The following SLC39A11 variants were observed in gnomAD, a reference collection of about 807,000 sequenced individuals.
SLC39A11 encodes the protein solute carrier family 39 member 11.
A neutral mutation model predicts 36.1 loss-of-function variants in SLC39A11; 33 were observed. The ratio of observed to expected loss-of-function variants is 0.91; its 90% confidence interval spans 0.69 to 1.22. SLC39A11 has a LOEUF of 1.22. Ranked by LOEUF, SLC39A11 falls within the 50% of genes most tolerant of loss-of-function variation. The pLI is 0.00. For synonymous variants in SLC39A11, 166 were observed against 170.3 expected (o/e 0.97, Z 0.20); for missense variants, 432 against 430.3 (o/e 1.00, Z -0.03).
At chr17:73,013,655 AT>A (rs2090647450) in intron 4 of SLC39A11, among the ~76,000 whole-genome samples, 1 of 151,140 alleles carries the variant, frequency 6.6e-6, no homozygotes, top group African/African-American at 2.4e-5. Context: ...CACAATAAAA[AT>A]TCATAAACTT....
intron 3 of SLC39A11, among the ~76,000 whole-genome samples, chr17:73,047,912 G>A (rs906049221): frequency 3.1e-4 from 42 of 134,186 alleles, no homozygotes; most frequent in Non-Finnish European, 4.0e-4. Context: ...AGGTTGCAGT[G>A]AGGCAAGATC....
At chr17:72,996,489 A>G (rs1003728656) in intron 4 of SLC39A11, among the ~76,000 whole-genome samples, 1 of 152,160 alleles carries the variant, frequency 6.6e-6, no homozygotes, top group Non-Finnish European at 1.5e-5. Flanking sequence ...CAAAGGCTTT[A>G]AGGAAGAATC....
rs111819786 is a variant in SLC39A11 at position 72,925,133 on chromosome 17, C to T, written c.430+22619G>A. 6.5e-3 allele frequency among the ~76,000 whole-genome samples: 981 copies of T among 152,016 alleles called. 9 individuals carry two copies. Among genetic ancestry groups the T allele is most frequent in the African/African-American group, 0.022 (925 of 41,440 alleles). On this transcript the variant is annotated intron_variant, in intron 5 of 9. Coordinates refer to ENST00000255559, the MANE Select transcript of SLC39A11 (RefSeq NM_139177.4). ...GAATTTCAGGATGGCCATGTGGATG[C>T]GCTTCTTTCTCTTTTGAAATACAAG...
At chr17:72,761,191 T>C (rs1248167158) in intron 6 of SLC39A11, among the ~76,000 whole-genome samples, 2 of 152,180 alleles carry the variant, frequency 1.3e-5, no homozygotes, top group African/African-American at 4.8e-5. Flanking sequence ...CTCGGTTCAC[T>C]GCAACCTCCG....
chr17:72,965,892 C>T (rs1487430751), intron 4 of SLC39A11, among the ~76,000 whole-genome samples: 1 of 152,186 alleles, frequency 6.6e-6, no homozygotes, highest in Non-Finnish European at 1.5e-5. Context: ...GGAATTCAGA[C>T]TGAATAGTCC....
intron 5 of SLC39A11, among the ~76,000 whole-genome samples, chr17:72,886,509 C>CA (rs1567885758): frequency 1.3e-5 from 2 of 152,176 alleles, no homozygotes; most frequent in Non-Finnish European, 2.9e-5. Flanking sequence ...TCAACTCCGC[C>CA]ACTCTTTCTG....
intron 7 of SLC39A11, 124 bp downstream of exon 7, chr17:72,736,526 G>T: frequency 2.5e-6 from 2 of 805,344 alleles, no homozygotes; most frequent in East Asian, 2.5e-5. Flanking sequence ...GCCTCCATCA[G>T]TCTTGGTCCT....
intron 4 of SLC39A11, among the ~76,000 whole-genome samples, chr17:72,960,475 C>A (rs1433634060): frequency 6.6e-6 from 1 of 151,702 alleles, no homozygotes; most frequent in East Asian, 1.9e-4. Context: ...TTACAAAAAC[C>A]AAGAAGGTAA....
At chr17:72,856,364 T>C (rs9914210) in intron 5 of SLC39A11, among the ~76,000 whole-genome samples, 79,299 of 152,064 alleles carry the variant, frequency 0.52, 21,286 homozygotes, top group Non-Finnish European at 0.58. Flanking sequence ...GAAAGATGCC[T>C]GCTGCCCAAA....
intron 7 of SLC39A11, among the ~76,000 whole-genome samples, chr17:72,701,382 G>T (rs1045494240): frequency 1.3e-5 from 2 of 152,162 alleles, no homozygotes; most frequent in African/African-American, 2.4e-5. Context: ...AAGCAGGAAG[G>T]CTGTGGGGCC....
At chr17:72,832,112 G>A (rs1313592033) in intron 6 of SLC39A11, among the ~76,000 whole-genome samples, 1 of 152,156 alleles carries the variant, frequency 6.6e-6, no homozygotes, top group Non-Finnish European at 1.5e-5. Flanking sequence ...AATCCCTGTG[G>A]CTACTAACTA....
chr17:72,857,480 T>C (rs1486517032), intron 5 of SLC39A11, among the ~76,000 whole-genome samples: 1 of 152,220 alleles, frequency 6.6e-6, no homozygotes. Context: ...ATGCTTTCTA[T>C]TCCTTTGGGT....
intron 7 of SLC39A11, among the ~76,000 whole-genome samples, chr17:72,665,406 T>TTTTTG (rs1567921717): frequency 2.1e-5 from 3 of 145,626 alleles, no homozygotes; most frequent in East Asian, 2.0e-4. Flanking sequence ...TTTTTTTTTT[T>TTTTTG]TTTTGAGACA....
chr17:72,827,535 GA>G (rs1489381074), intron 6 of SLC39A11, among the ~76,000 whole-genome samples: 1 of 152,188 alleles, frequency 6.6e-6, no homozygotes, highest in African/African-American at 2.4e-5. Context: ...AAAGAAAAAA[GA>G]AAAGAATATG....
At chr17:73,063,624 T>G (rs1047065831) in intron 3 of SLC39A11, among the ~76,000 whole-genome samples, 2 of 151,598 alleles carry the variant, frequency 1.3e-5, no homozygotes, top group Admixed American at 1.3e-4. Context: ...AAAAAAAAAA[T>G]TAAAATTAAA....
intron 3 of SLC39A11, chr17:73,067,884 A>C (rs2060043945): frequency 6.2e-7 from 1 of 1,607,362 alleles, no homozygotes; most frequent in African/African-American, 1.3e-5. Context: ...CATGCCTGAG[A>C]CTTGCAGTAA....
rs183190153 is a variant in SLC39A11 at position 72,647,523 on chromosome 17, T to C, written c.*61A>G. The C allele has an allele frequency of 2.9e-3, 4,206 of 1,436,868 alleles. 17 individuals are homozygous for C. Among genetic ancestry groups the C allele is most frequent in the Non-Finnish European group, 3.2e-3 (3,329 of 1,036,656 alleles). 89.0% of individuals were successfully genotyped at this position (1,436,868 alleles called of 1,614,324 possible). On this transcript the variant is annotated 3_prime_UTR_variant, in exon 10 of 10. Transcript: ENST00000255559. ...GTGAAGAAAGAAGCTTGTTGTCCCA[T>C]AGAAGCCAACCACTGCTGTTTCTTC...
intron 6 of SLC39A11, among the ~76,000 whole-genome samples, chr17:72,757,864 G>C (rs1188863497): frequency 1.3e-5 from 2 of 151,968 alleles, no homozygotes. Context: ...GGACCTAGGA[G>C]GTGCTCAGTT....
intron 6 of SLC39A11, among the ~76,000 whole-genome samples, chr17:72,809,403 CCATCCTGTTTG>C (rs1367552306): frequency 6.6e-6 from 1 of 152,140 alleles, no homozygotes; most frequent in Non-Finnish European, 1.5e-5. Flanking sequence ...TCACAACCAA[CCATCCTGTTTG>C]CGATCCCATC....
Sources: gnomAD v4.1 joint callset for allele counts (sites outside exome capture counted in the v4.1 genomes callset) on GRCh38, gnomAD v4.1.1 for gene constraint, MANE v1.5 for transcripts, NCBI Gene and HGNC (gene_info 2026-07-23, HGNC 2026-07-21) for gene names.